YES1: variants seen among roughly 807,000 people sequenced by gnomAD.
YES1 encodes YES proto-oncogene 1, Src family tyrosine kinase, also known as tyrosine-protein kinase Yes.
Under a neutral mutation model 70.4 loss-of-function variants are expected in YES1, and 39 were observed. The ratio of observed to expected loss-of-function variants is 0.55; its 90% CI spans 0.43 to 0.72. The LOEUF (loss-of-function observed/expected upper bound fraction) is 0.72. YES1 is among the 30% of genes least tolerant of loss of function. The pLI is 0.00. For synonymous variants in YES1, 198 were observed against 218.6 expected, an observed-to-expected ratio of 0.91 and a Z score of 0.83; for missense variants, 495 against 644.8, an observed-to-expected ratio of 0.77 and a Z score of 2.52.
At chr18:737,117 C>A in intron 9 of YES1, 156 bp from the exon 10 acceptor site, 3 of 620,806 alleles carry the variant, frequency 4.8e-6, no homozygotes, top group South Asian at 2.8e-5. Context: ...AACAGGAAAA[C>A]CAGAAAACAT....
In YES1 at chr18:723,454, G is replaced by A. The variant is rs2079983122; in HGVS notation, c.*970C>T. Reference sequence around the variant, plus strand: ...CTCTCTGTTCATCTATATTCACCATGAGCAAAAGTGCATTCAAGTCCCTGA... The same window carrying A: ...CTCTCTGTTCATCTATATTCACCATAAGCAAAAGTGCATTCAAGTCCCTGA... On this transcript the variant is annotated 3_prime_UTR_variant, in exon 12 of 12. Coordinates refer to ENST00000314574, the MANE Select transcript of YES1 (RefSeq NM_005433.4). 1 of 152,468 alleles carries A rather than the reference G, an allele frequency of 6.6e-6. No individual in the cohort carries two copies. The highest frequency in any genetic ancestry group is 2.1e-4 in the South Asian group (1 of 4,822). 9.4% of individuals were successfully genotyped at this position (152,468 alleles called of 1,614,324 possible).
intron 2 of YES1, among the ~76,000 whole-genome samples, chr18:753,296 T>G (rs2080365177): frequency 6.6e-6 from 1 of 152,196 alleles, no homozygotes; most frequent in South Asian, 2.1e-4. Context: ...ATATCATTTT[T>G]GTGGTGAGAA....
intron 1 of YES1, among the ~76,000 whole-genome samples, chr18:809,164 C>A (rs1907245362): frequency 6.6e-6 from 1 of 151,992 alleles, no homozygotes. Context: ...AACATACAAG[C>A]CGAAGCGGAT....
intron 10 of YES1, 48 bp downstream of exon 10, chr18:736,760 A>T: frequency 6.3e-7 from 1 of 1,586,720 alleles, no homozygotes; most frequent in Non-Finnish European, 8.6e-7. Context: ...AAGAGAGTTA[A>T]GCAAAACACA....
At chr18:807,566 C>G (rs1907163480) in intron 1 of YES1, among the ~76,000 whole-genome samples, 1 of 152,176 alleles carries the variant, frequency 6.6e-6, no homozygotes, top group Admixed American at 6.5e-5. Context: ...TATTTATAAG[C>G]TGAGCAGCAT....
At chr18:735,763 T>A (rs946472129) in intron 10 of YES1, 6 of 152,120 alleles carry the variant, frequency 3.9e-5, no homozygotes, top group Middle Eastern at 3.4e-3. Flanking sequence ...CAGTGCAAGA[T>A]GCTTGGGTGA....
In YES1 at chr18:739,785, C is replaced by T. The variant is rs756288996; in HGVS notation, c.1087G>A (p.Gly363Arg). Reference protein sequence around the residue: ...KGSLLDFLKEGDGKYLKLPQL... With the variant: ...KGSLLDFLKERDGKYLKLPQL... ...GGAAGCTTCAAATACTTTCCATCTC[C>T]TTCCTTAAGGAAATCTAATAAGCTT... Residue 363 changes from glycine to arginine, a missense_variant, in exon 9 of 12, where the codon GGA (glycine) becomes AGA (arginine). Physicochemically the swap from Gly to Arg is moderately radical, Grantham distance 125. Coordinates refer to ENST00000314574, the MANE Select transcript of YES1 (RefSeq NM_005433.4). The T allele has an allele frequency of 1.8e-5, 29 of 1,611,804 alleles. No homozygotes were observed. Among genetic ancestry groups the T allele is most frequent in the Non-Finnish European group, 2.4e-5 (28 of 1,179,546 alleles).
chr18:788,294 G>A (rs568543358), intron 1 of YES1, among the ~76,000 whole-genome samples: 90 of 152,140 alleles, frequency 5.9e-4, no homozygotes, highest in African/African-American at 2.1e-3. Flanking sequence ...GCCTTTTAGC[G>A]TGGGCTATAA....
chr18:723,779 C>T lies in YES1; in HGVS notation c.*645G>A, dbSNP rs1423066578. On this transcript the variant is annotated 3_prime_UTR_variant, in exon 12 of 12. Transcript: ENST00000314574. ...GTTCTTATTCTTTCAGTTCCATGAA[C>T]ATGAATATTAATGTACTGCATTATA... 6.6e-6 allele frequency: 1 copy of T among 152,604 alleles called. No individual in the cohort carries two copies. Among genetic ancestry groups the T allele is most frequent in the Non-Finnish European group, 1.5e-5 (1 of 68,030 alleles). 9.5% of individuals were successfully genotyped at this position (152,604 alleles called of 1,614,324 possible).
At chr18:791,451 A>G (rs1906245435) in intron 1 of YES1, among the ~76,000 whole-genome samples, 1 of 152,114 alleles carries the variant, frequency 6.6e-6, no homozygotes, top group South Asian at 2.1e-4. Context: ...CTTTCAGTTA[A>G]GGACTATTTT....
Position 755,706 on chromosome 18 carries a change from G to A in YES1, c.271+851C>T, listed in dbSNP as rs1310517361. Among the ~76,000 whole-genome samples the A allele has an allele frequency of 2.0e-5, 3 of 152,188 alleles. No homozygotes were observed. The East Asian group carries it at 5.8e-4, about 29-fold the overall frequency. ...CTGGCAGCTGTTTTGCCAAGCCTAA[G>A]GATAAAGCAGACACTCCCAAGGGCT... On this transcript the variant is annotated intron_variant, in intron 2 of 11. Transcript: ENST00000314574.
intron 1 of YES1, among the ~76,000 whole-genome samples, chr18:801,925 T>C (rs1277669338): frequency 1.3e-5 from 2 of 151,980 alleles, no homozygotes; most frequent in Admixed American, 1.3e-4. Context: ...ATGAGGAATG[T>C]TTTGGACTTA....
At chr18:758,718 T>C (rs1260256556) in intron 1 of YES1, among the ~76,000 whole-genome samples, 1 of 152,184 alleles carries the variant, frequency 6.6e-6, no homozygotes, top group Non-Finnish European at 1.5e-5. Flanking sequence ...CTCACTTTAT[T>C]CCATTTTATA....
At chr18:779,246 T>A (rs1266445663) in intron 1 of YES1, among the ~76,000 whole-genome samples, 4 of 151,520 alleles carry the variant, frequency 2.6e-5, no homozygotes, top group Non-Finnish European at 5.9e-5. Flanking sequence ...CGGCAAAAAA[T>A]TTTTTAAATC....
chr18:737,038 C>T (rs2145690792), intron 9 of YES1, 77 bp from the exon 10 acceptor site: 2 of 1,168,350 alleles, frequency 1.7e-6, no homozygotes, highest in South Asian at 1.6e-5. Flanking sequence ...TGGTTAATAT[C>T]AAATTGTGTC....
At chr18:732,686 C>A (rs2080106670) in intron 11 of YES1, 148 bp downstream of exon 11, 1 of 1,070,778 alleles carries the variant, frequency 9.3e-7, no homozygotes, top group South Asian at 1.5e-5. Flanking sequence ...CATCCAATGC[C>A]ACAGTAAAGG....
At chr18:783,005 A>G (rs1297347862) in intron 1 of YES1, among the ~76,000 whole-genome samples, 2 of 152,194 alleles carry the variant, frequency 1.3e-5, no homozygotes, top group African/African-American at 2.4e-5. Context: ...TCTGATCTCA[A>G]TAGCTAATGC....
At chr18:724,697 A>C (rs879020801) in intron 11 of YES1, 65 bp from the exon 12 acceptor site, 381 of 1,311,852 alleles carry the variant, frequency 2.9e-4, no homozygotes, top group Non-Finnish European at 3.7e-5. Flanking sequence ...AACATAACAA[A>C]CCCCCTAGCC....
chr18:735,011 G>C (rs184816605), intron 10 of YES1, among the ~76,000 whole-genome samples: 5 of 152,132 alleles, frequency 3.3e-5, no homozygotes, highest in Admixed American at 3.3e-4. Flanking sequence ...ACAAAAATTA[G>C]CCGGGCCTGG....
Sources: allele counts gnomAD v4.1 joint callset (sites outside exome capture counted in the v4.1 genomes callset), GRCh38; gene constraint gnomAD v4.1.1; transcripts MANE v1.5; gene names NCBI Gene and HGNC (gene_info 2026-07-23, HGNC 2026-07-21).